Variants in CDH6 observed in about 807,000 individuals in gnomAD.
CDH6 encodes cadherin-6.
CDH6 carries 31 observed loss-of-function variants against 78.0 expected under a neutral mutation model. That is an observed-to-expected ratio of 0.40 (90% CI 0.30 to 0.54). The LOEUF is 0.54. Ranked by LOEUF, CDH6 falls within the 20% of genes least tolerant of loss-of-function variation. The probability of loss-of-function intolerance (pLI) is 0.56; values close to 1 mark genes in which losing one functional copy is unlikely to be tolerated. For missense variants in CDH6, 724 were observed against 975.9 expected (o/e 0.74, Z 3.44); for synonymous variants, 376 against 368.8 (o/e 1.02, Z -0.23).
chr5:31,252,138 T>G (rs769953470), intron 1 of CDH6, among the ~76,000 whole-genome samples: 23 of 152,332 alleles, frequency 1.5e-4, no homozygotes, highest in African/African-American at 5.5e-4. Context: ...TGGCTGTGAT[T>G]CAATTAATTG....
At chr5:31,287,598 A>C (rs1211027345) in intron 2 of CDH6, among the ~76,000 whole-genome samples, 1 of 152,168 alleles carries the variant, frequency 6.6e-6, no homozygotes, top group African/African-American at 2.4e-5. Context: ...AGGTTATGTG[A>C]CAAGTACAGA....
Position 31,324,868 on chromosome 5 carries a change from C to G in CDH6, c.*1560C>G, listed in dbSNP as rs1738583972. ...TTACCTTGTGCAGTCATCAGAAATT[C>G]CAGCGTACTATAATGAAAACATCCT... On this transcript the variant is annotated 3_prime_UTR_variant, in exon 12 of 12. Transcript: ENST00000265071. 1 of 204,004 alleles carries G rather than the reference C, an allele frequency of 4.9e-6. No homozygotes were observed. Among genetic ancestry groups the G allele is most frequent in the African/African-American group, 2.3e-5 (1 of 43,692 alleles). The allele number at this position is 204,004 out of a possible 1,614,324, so 12.6% of individuals were successfully genotyped here. A position where few individuals can be genotyped will look rare whatever the true frequency, so the allele number is the denominator to read the frequency against.
At chr5:31,263,995 C>T (rs1742277636) in intron 1 of CDH6, among the ~76,000 whole-genome samples, 1 of 152,098 alleles carries the variant, frequency 6.6e-6, no homozygotes, top group Admixed American at 6.5e-5. Flanking sequence ...TGAATGAGTC[C>T]ATCCTCCAGT....
intron 4 of CDH6, among the ~76,000 whole-genome samples, chr5:31,299,047 A>G (rs1292846226): frequency 6.6e-6 from 1 of 152,176 alleles, no homozygotes; most frequent in Non-Finnish European, 1.5e-5. Flanking sequence ...CTTTCCTAAC[A>G]ATTTCCTCAT....
At chr5:31,221,709 A>G (rs1741008276) in intron 1 of CDH6, among the ~76,000 whole-genome samples, 1 of 152,196 alleles carries the variant, frequency 6.6e-6, no homozygotes, top group Admixed American at 6.5e-5. Context: ...AAGCTTAGGC[A>G]CATTCGTCAG....
At chr5:31,227,585 AG>A (rs1741188749) in intron 1 of CDH6, among the ~76,000 whole-genome samples, 1 of 152,174 alleles carries the variant, frequency 6.6e-6, no homozygotes, top group Non-Finnish European at 1.5e-5. Flanking sequence ...CAAACACCCT[AG>A]TTCTTCAACC....
In CDH6 at chr5:31,324,207, T is replaced by G. The variant is rs1561076724; in HGVS notation, c.*899T>G. The G allele has an allele frequency of 4.6e-6, 1 of 216,732 alleles. No homozygotes were observed. Among genetic ancestry groups the G allele is most frequent in the Non-Finnish European group, 9.3e-6 (1 of 107,776 alleles). The allele number at this position is 216,732 out of a possible 1,614,324, so 13.4% of individuals were successfully genotyped here. ...GAATTTTCCTGAGACAAATTTTAACTTCTTGTCTATAGTTGTCAGTATTAT... is the reference window on the plus strand; with the variant it reads ...GAATTTTCCTGAGACAAATTTTAACGTCTTGTCTATAGTTGTCAGTATTAT... On this transcript the variant is annotated 3_prime_UTR_variant, in exon 12 of 12. Transcript: ENST00000265071.
intron 11 of CDH6, chr5:31,318,698 C>A (rs1738396598): frequency 8.7e-6 from 2 of 228,758 alleles, no homozygotes; most frequent in Non-Finnish European, 1.7e-5. Context: ...GTTAATGCAG[C>A]CCTTCCAAAA....
At chr5:31,201,384 C>T (rs557146306) in intron 1 of CDH6, among the ~76,000 whole-genome samples, 18 of 152,062 alleles carry the variant, frequency 1.2e-4, no homozygotes, top group Middle Eastern at 3.4e-3. Flanking sequence ...ATCAGTGATT[C>T]CCCAGGAGAC....
chr5:31,302,802 A>AGAG (rs1561066015), intron 6 of CDH6, among the ~76,000 whole-genome samples: 20 of 68,896 alleles, frequency 2.9e-4, no homozygotes, highest in Non-Finnish European at 8.9e-5. Context: ...GAGAGAGAGA[A>AGAG]AGAAAGAAAG....
rs1738648951 is a variant in CDH6 at position 31,327,572 on chromosome 5, A to C, written c.*4264A>C. 5.1e-6 allele frequency: 1 copy of C among 195,412 alleles called. No individual in the cohort carries two copies. Among genetic ancestry groups the C allele is most frequent in the African/African-American group, 2.3e-5 (1 of 43,288 alleles). 12.1% of individuals were successfully genotyped at this position (195,412 alleles called of 1,614,324 possible). A position where few individuals can be genotyped will look rare whatever the true frequency, so the allele number is the denominator to read the frequency against. ...TTAACACCACAACCTTCCTTATCAG[A>C]TTATAAGAGTAGAAAAATTAACACT... On this transcript the variant is annotated 3_prime_UTR_variant, in exon 12 of 12. Coordinates refer to ENST00000265071, the MANE Select transcript of CDH6 (RefSeq NM_004932.4).
chr5:31,296,709 T>G (rs1298000594), intron 3 of CDH6, among the ~76,000 whole-genome samples: 4 of 152,158 alleles, frequency 2.6e-5, no homozygotes, highest in Admixed American at 2.6e-4. Context: ...TCACATTACT[T>G]AAGTCCAAAA....
intron 1 of CDH6, among the ~76,000 whole-genome samples, chr5:31,255,439 G>A (rs558105410): frequency 6.6e-6 from 1 of 152,158 alleles, no homozygotes; most frequent in South Asian, 2.1e-4. Context: ...ATCGAACAAG[G>A]GCATTTCTTT....
intron 2 of CDH6, among the ~76,000 whole-genome samples, chr5:31,285,568 G>A (rs993298156): frequency 6.6e-6 from 1 of 152,172 alleles, no homozygotes; most frequent in African/African-American, 2.4e-5. Context: ...TATGCAACTG[G>A]TCAGACCAAT....
At chr5:31,298,645 T>C (rs1298359091) in intron 4 of CDH6, among the ~76,000 whole-genome samples, 1 of 152,148 alleles carries the variant, frequency 6.6e-6, no homozygotes, top group African/African-American at 2.4e-5. Flanking sequence ...TATAAAGGCT[T>C]CTCCAGTGAA....
intron 2 of CDH6, among the ~76,000 whole-genome samples, chr5:31,270,999 C>A (rs1446406675): frequency 1.3e-5 from 2 of 152,146 alleles, no homozygotes; most frequent in African/African-American, 4.8e-5. Context: ...TTTAATCATG[C>A]CATTCAAGCA....
At chr5:31,302,966 A>AG (rs1561066631) in intron 6 of CDH6, among the ~76,000 whole-genome samples, 8 of 50,450 alleles carry the variant, frequency 1.6e-4, no homozygotes, top group Non-Finnish European at 5.3e-4. Flanking sequence ...AAGGAAAGAA[A>AG]AGAAAGAAAG....
chr5:31,327,313 G>A lies in CDH6; in HGVS notation c.*4005G>A, dbSNP rs911292769. 1 of 190,940 alleles carries A rather than the reference G, an allele frequency of 5.2e-6. No homozygotes were observed. The highest frequency in any genetic ancestry group is 2.3e-5 in the African/African-American group (1 of 42,958). The allele number at this position is 190,940 out of a possible 1,614,324, so 11.8% of individuals were successfully genotyped here. On this transcript the variant is annotated 3_prime_UTR_variant, in exon 12 of 12. Coordinates refer to ENST00000265071, the MANE Select transcript of CDH6 (RefSeq NM_004932.4). Reference sequence around the variant, plus strand: ...TTATCAGCTAAATTCATTTTCACCAGGAACAGACCACCAAATAAATTATTT... The same window carrying A: ...TTATCAGCTAAATTCATTTTCACCAAGAACAGACCACCAAATAAATTATTT...
chr5:31,260,256 A>G (rs1742177104), intron 1 of CDH6, among the ~76,000 whole-genome samples: 1 of 152,210 alleles, frequency 6.6e-6, no homozygotes, highest in South Asian at 2.1e-4. Flanking sequence ...CCCATTTTAC[A>G]GGTAAAGAAA....
Sources: allele counts gnomAD v4.1 joint callset (sites outside exome capture counted in the v4.1 genomes callset), GRCh38; gene constraint gnomAD v4.1.1; transcripts MANE v1.5; gene names NCBI Gene and HGNC (gene_info 2026-07-23, HGNC 2026-07-21).